The following SH2B2 variants were observed in gnomAD, a reference collection of about 807,000 sequenced individuals.
SH2B2 encodes SH2B adapter protein 2.
Under a neutral mutation model 35.7 loss-of-function variants are expected in SH2B2, and 37 were observed. That is an observed-to-expected ratio of 1.04 (90% CI 0.80 to 1.36). The LOEUF (loss-of-function observed/expected upper bound fraction) is 1.36. Ranked by LOEUF, SH2B2 falls within the 40% of genes most tolerant of loss-of-function variation. The probability of loss-of-function intolerance (pLI) is 0.00; values close to 1 mark genes in which losing one functional copy is unlikely to be tolerated. For synonymous variants in SH2B2, 383 were observed against 376.4 expected, an observed-to-expected ratio of 1.02 and a Z score of -0.20; for missense variants, 852 against 817.7, an observed-to-expected ratio of 1.04 and a Z score of -0.51.
chr7:102,290,298 C>T (rs1439484482), intron 1 of SH2B2, among the ~76,000 whole-genome samples: 5 of 150,880 alleles, frequency 3.3e-5, no homozygotes, highest in African/African-American at 1.2e-4. Context: ...GGCTGGAGTG[C>T]AGTGGCGTGC....
rs1198700823 is a variant in SH2B2, at chr7:102,300,835, G to T, written c.285G>T (p.Glu95Asp). ...PTTRGAAVSA[E>D]AMEPELADTS... ...CTCGGGGCGCGGCCGTGAGCGCAGA[G>T]GCCATGGAGCCGGAGCTCGCGGACA... The change falls in exon 2 of 9, where the codon GAG becomes GAT. Residue 95 changes from glutamate to aspartate, a missense_variant. Glu to Asp is a conservative substitution (Grantham distance 45). Transcript: ENST00000444095. The T allele has an allele frequency of 6.8e-7, 1 of 1,464,678 alleles. No homozygotes were observed. The highest frequency in any genetic ancestry group is 9.0e-7 in the Non-Finnish European group (1 of 1,105,922). 90.7% of individuals were successfully genotyped at this position (1,464,678 alleles called of 1,614,324 possible). A position where few individuals can be genotyped will look rare whatever the true frequency, so the allele number is the denominator to read the frequency against.
upstream of SH2B2, chr7:102,285,346 T>G (rs2132870800): frequency 1.1e-6 from 1 of 943,760 alleles, no homozygotes; most frequent in Admixed American, 2.0e-5. Flanking sequence ...TTTCTCCCAC[T>G]CTCGGGCACC....
intron 4 of SH2B2, among the ~76,000 whole-genome samples, chr7:102,312,785 A>G (rs1390110908): frequency 6.6e-6 from 1 of 151,948 alleles, no homozygotes; most frequent in African/African-American, 2.4e-5. Context: ...CCTGGACTCC[A>G]TTGACCCTCC....
At chr7:102,301,411 C>A in intron 2 of SH2B2, 132 bp downstream of exon 2, 1 of 1,142,580 alleles carries the variant, frequency 8.8e-7, no homozygotes, top group Non-Finnish European at 1.2e-6. Context: ...TATTTGGTGC[C>A]AGGACCCTGG....
chr7:102,318,806 C>T lies in SH2B2; in HGVS notation c.1395+1411C>T, dbSNP rs76232951. On this transcript the variant is annotated intron_variant, in intron 7 of 8. Coordinates refer to ENST00000444095, the MANE Select transcript of SH2B2 (RefSeq NM_001359228.2). ...GGACATTTCCTTGGCAAGCAGCCAC[C>T]CTTACAGTTCCTCCGACAACCAGGT... Among the ~76,000 whole-genome samples, 608 of 152,316 alleles carry T rather than the reference C, an allele frequency of 4.0e-3. 7 individuals are homozygous for T. Among genetic ancestry groups the T allele is most frequent in the African/African-American group, 0.014 (576 of 41,568 alleles).
At chr7:102,317,482 T>C in intron 7 of SH2B2, 87 bp downstream of exon 7, 1 of 1,251,146 alleles carries the variant, frequency 8.0e-7, no homozygotes. Flanking sequence ...GGCTGTGCCC[T>C]GGAAGCAGCT....
chr7:102,308,332 C>T (rs1443811620), intron 3 of SH2B2, among the ~76,000 whole-genome samples: 1 of 152,254 alleles, frequency 6.6e-6, no homozygotes, highest in African/African-American at 2.4e-5. Context: ...GTCTCCTGCC[C>T]TCTTCCCCTT....
Position 102,321,615 on chromosome 7 carries a change from G to C in SH2B2, c.1884G>C (p.Gln628His), listed in dbSNP as rs1335927048. 8.6e-7 allele frequency: 1 copy of C among 1,157,560 alleles called. No individual in the cohort carries two copies. The highest frequency in any genetic ancestry group is 1.6e-5 in the African/African-American group (1 of 61,506). The allele number at this position is 1,157,560 out of a possible 1,614,324, so 71.7% of individuals were successfully genotyped here. ...APGRARAVEN[Q>H]YSFY ...GCCGCGCGCGCGCCGTGGAGAACCAGTACTCCTTCTACTAGCCCGCGGCGC... is the reference window on the plus strand; with the variant it reads ...GCCGCGCGCGCGCCGTGGAGAACCACTACTCCTTCTACTAGCCCGCGGCGC... Residue 628 changes from glutamine (Q) to histidine (H), a missense_variant, in exon 9 of 9, where the codon CAG (glutamine) becomes CAC (histidine). Gln to His is a conservative substitution (Grantham distance 24, BLOSUM62 0). Around this residue, in one of 3 missense-constraint regions of SH2B2, gnomAD observed 556 missense variants for 514.5 expected, o/e 1.08. Transcript: ENST00000444095.
intron 2 of SH2B2, among the ~76,000 whole-genome samples, chr7:102,302,748 G>A (rs939937132): frequency 2.6e-5 from 4 of 152,218 alleles, no homozygotes; most frequent in Non-Finnish European, 4.4e-5. Flanking sequence ...CCCAGCTGGC[G>A]GGTGCCAGAG....
chr7:102,316,959 C>T (rs1196313802), intron 6 of SH2B2: 3 of 433,766 alleles, frequency 6.9e-6, no homozygotes, highest in Non-Finnish European at 1.2e-5. Flanking sequence ...GCAGAGGTTA[C>T]AGTCAGCCAC....
chr7:102,320,881 C>T (rs1474284232), intron 8 of SH2B2, among the ~76,000 whole-genome samples: 2 of 152,100 alleles, frequency 1.3e-5, no homozygotes, highest in African/African-American at 4.8e-5. Context: ...GGACCGAGCA[C>T]TAAGGGCATG....
At chr7:102,318,775 C>T (rs376991242) in intron 7 of SH2B2, among the ~76,000 whole-genome samples, 1 of 152,206 alleles carries the variant, frequency 6.6e-6, no homozygotes, top group African/African-American at 2.4e-5. Context: ...GTAGCACCTC[C>T]ACCAGGGACA....
chr7:102,298,721 C>T (rs1793017225), intron 1 of SH2B2, among the ~76,000 whole-genome samples: 1 of 152,054 alleles, frequency 6.6e-6, no homozygotes, highest in Non-Finnish European at 1.5e-5. Flanking sequence ...TGTGTGCCAC[C>T]TTGCCCAGCT....
Position 102,306,650 on chromosome 7 carries a change from G to C in SH2B2, c.730-71G>C. ...TATTTGAGGGCCACTCTAACACCTG[G>C]CAGCGGGGAGGGGATGGAAAGGGTG... On this transcript the variant is annotated intron_variant, in intron 2 of 8. Transcript: ENST00000444095. 6 of 1,124,092 alleles carry C rather than the reference G, an allele frequency of 5.3e-6. No homozygotes were observed. In the South Asian group the frequency reaches 7.9e-5, roughly 15 times the overall value. The allele number at this position is 1,124,092 out of a possible 1,614,324, so 69.6% of individuals were successfully genotyped here. A position where few individuals can be genotyped will look rare whatever the true frequency, so the allele number is the denominator to read the frequency against.
At chr7:102,289,230 G>T (rs1792578023) in intron 1 of SH2B2, among the ~76,000 whole-genome samples, 1 of 152,172 alleles carries the variant, frequency 6.6e-6, no homozygotes, top group Non-Finnish European at 1.5e-5. Flanking sequence ...ATACTTCCGG[G>T]CCATCTGAGG....
intron 4 of SH2B2, among the ~76,000 whole-genome samples, chr7:102,310,240 C>T (rs1041630787): frequency 6.6e-6 from 1 of 152,118 alleles, no homozygotes; most frequent in East Asian, 1.9e-4. Flanking sequence ...CGCTTGAACC[C>T]GGGAGGCAGA....
At chr7:102,321,265 T>A (rs782744455) in intron 8 of SH2B2, 34 bp from the exon 9 acceptor site, 1 of 1,340,152 alleles carries the variant, frequency 7.5e-7, no homozygotes, top group South Asian at 1.7e-5. Context: ...CCAGCCCAGG[T>A]CCCCACTCAC....
chr7:102,314,311 T>C (rs889686995), intron 4 of SH2B2, 25 bp from the exon 5 acceptor site: 4 of 398,486 alleles, frequency 1.0e-5, no homozygotes, highest in African/African-American at 8.2e-5. Flanking sequence ...CGGCAGGACA[T>C]GGTTTCCATT....
At chr7:102,285,549 C>G (rs988335189), upstream of SH2B2, among the ~76,000 whole-genome samples, 1 of 152,240 alleles carries the variant, frequency 6.6e-6, no homozygotes, top group Non-Finnish European at 1.5e-5. Context: ...TCCGTGCCCC[C>G]GTGGAGGGCA....
Sources: gnomAD v4.1 joint callset for allele counts (sites outside exome capture counted in the v4.1 genomes callset) on GRCh38, gnomAD v4.1.1 for gene constraint, gnomAD v4.1.1 regional missense constraint, MANE v1.5 for transcripts, NCBI Gene and HGNC (gene_info 2026-07-23, HGNC 2026-07-21) for gene names.